HPS4: variants seen among roughly 807,000 people sequenced by gnomAD.
HPS4 encodes HPS4 biogenesis of lysosomal organelles complex 3 subunit 2.
Under a neutral mutation model 70.3 loss-of-function variants are expected in HPS4, and 44 were observed. The observed-to-expected ratio is 0.63, with a 90% CI of 0.49 to 0.80. HPS4 has a LOEUF of 0.80. Ranked by LOEUF, HPS4 falls within the 30% of genes least tolerant of loss-of-function variation. HPS4 has a pLI of 0.00. For missense variants in HPS4, 873 were observed against 884.4 expected (o/e 0.99, Z 0.16); for synonymous variants, 377 against 355.9 (o/e 1.06, Z -0.67).
At chr22:26,447,267 G>A (rs1032909419), downstream of HPS4, among the ~76,000 whole-genome samples, 1 of 152,194 alleles carries the variant, frequency 6.6e-6, no homozygotes, top group Non-Finnish European at 1.5e-5. Flanking sequence ...GTGGGGGGAG[G>A]TGAAGGGAAA....
intron 2 of HPS4, chr22:26,479,590 G>A (rs1459453400): frequency 1.5e-6 from 2 of 1,352,172 alleles, no homozygotes; most frequent in Non-Finnish European, 1.9e-6. Context: ...ATCTGCCGGA[G>A]AAGACACGAG....
At position 26,464,762 on chromosome 22, in the gene HPS4, T is replaced by G. The variant is rs765459737; in HGVS notation, c.868A>C (p.Thr290Pro). Residue 290 changes from threonine to proline, a missense_variant, in exon 11 of 14, where the codon ACA becomes CCA. By Grantham distance (38) the Thr-to-Pro change is conservative. Transcript: ENST00000398145. The part of the protein sequence containing the change: ...SAQHHPKGGS[T>P]SALKENATGH... ...GTGGCGTTTTCTTTCAGGGCAGATG[T>G]GCTCCCACCCTTTGGATGGTGCTGG... 1.9e-6 allele frequency: 3 copies of G among 1,586,388 alleles called. No homozygotes were observed. The Admixed American group carries it at 5.3e-5, about 28-fold the overall frequency.
Position 26,453,040 on chromosome 22 carries a change from C to T in HPS4, c.*193G>A, listed in dbSNP as rs1350826819. On this transcript the variant is annotated 3_prime_UTR_variant, in exon 14 of 14. Transcript: ENST00000398145. ...TCTTTATCAAGTGCTCTGGGTCTGC[C>T]GACCTGAAGAACTAACCCCTGCCCC... The T allele has an allele frequency of 1.8e-5, 11 of 621,686 alleles. No individual in the cohort carries two copies. Among genetic ancestry groups the T allele is most frequent in the South Asian group, 1.5e-4 (8 of 51,992 alleles). 38.5% of individuals were successfully genotyped at this position (621,686 alleles called of 1,614,324 possible).
exon 4 of HPS4, chr22:26,444,564 T>C (rs1232609094): frequency 6.6e-6 from 1 of 152,258 alleles, no homozygotes; most frequent in Non-Finnish European, 1.5e-5. Context: ...AGAGATGCCT[T>C]TTCTGAATAA....
intron 2 of HPS4, among the ~76,000 whole-genome samples, chr22:26,481,068 T>C (rs539195460): frequency 6.6e-6 from 1 of 152,210 alleles, no homozygotes; most frequent in Non-Finnish European, 1.5e-5. Context: ...AGAAACTCCA[T>C]GTGCACCCCA....
chr22:26,470,852 T>C (rs2146759507), intron 6 of HPS4, 39 bp from the exon 7 acceptor site: 1 of 1,613,176 alleles, frequency 6.2e-7, no homozygotes, highest in Non-Finnish European at 8.5e-7. Context: ...CCCATCAGCA[T>C]GCTCACAATC....
downstream of HPS4, among the ~76,000 whole-genome samples, chr22:26,448,548 T>C (rs1470940732): frequency 6.6e-6 from 1 of 152,200 alleles, no homozygotes; most frequent in Admixed American, 6.5e-5. Flanking sequence ...CTCAAGCCCT[T>C]TCCTCAGGGT....
At position 26,457,657 on chromosome 22, in the gene HPS4, G is replaced by T. The variant is rs7285461; in HGVS notation, c.1955+202C>A. 7.2e-3 allele frequency among the ~76,000 whole-genome samples: 1,099 copies of T among 152,350 alleles called. 15 individuals are homozygous for T. Among genetic ancestry groups the T allele is most frequent in the African/African-American group, 0.025 (1,051 of 41,584 alleles). On this transcript the variant is annotated intron_variant, in intron 13 of 13. Transcript: ENST00000398145. ...GCTGGACCCCAAGCGTCTAAAGTAG[G>T]AAGGGAACCAGAAAGTCCATGGCAC...
At chr22:26,458,253 G>A (rs1480772127) in intron 12 of HPS4, among the ~76,000 whole-genome samples, 192 bp downstream of exon 12, 4 of 152,252 alleles carry the variant, frequency 2.6e-5, no homozygotes, top group Admixed American at 1.3e-4. Context: ...ACAGACACAT[G>A]AGCAGAGAAG....
At position 26,453,492 on chromosome 22, in the gene HPS4, G is replaced by A; in HGVS notation, c.1956-88C>T. On this transcript the variant is annotated intron_variant, in intron 13 of 13. Coordinates refer to ENST00000398145, the MANE Select transcript of HPS4 (RefSeq NM_022081.6). ...AGACCTCAGTAAGGTTCTTGTCACA[G>A]AGGACCCAGGACACCCAATGTGGCA... 6.4e-6 allele frequency: 9 copies of A among 1,409,148 alleles called. No individual in the cohort carries two copies. In the South Asian group the frequency reaches 9.3e-5, roughly 15 times the overall value. The allele number at this position is 1,409,148 out of a possible 1,614,324, so 87.3% of individuals were successfully genotyped here. A position where few individuals can be genotyped will look rare whatever the true frequency, so the allele number is the denominator to read the frequency against.
intron 13 of HPS4, among the ~76,000 whole-genome samples, chr22:26,454,706 G>A (rs2085780617): frequency 6.6e-6 from 1 of 152,200 alleles, no homozygotes; most frequent in South Asian, 2.1e-4. Flanking sequence ...AAAAGCAATG[G>A]CAACAAAAGC....
intron 10 of HPS4, 146 bp from the exon 11 acceptor site, chr22:26,464,972 CA>C (rs957014526): frequency 1.8e-5 from 13 of 707,216 alleles, no homozygotes; most frequent in Non-Finnish European, 2.8e-5. Context: ...AGTTAAATCA[CA>C]AGAGTAAAAA....
chr22:26,447,618 T>C (rs903258475), downstream of HPS4, among the ~76,000 whole-genome samples: 5 of 152,174 alleles, frequency 3.3e-5, no homozygotes, highest in Admixed American at 1.3e-4. Context: ...CCGTCATGCC[T>C]GCTGCCAGCA....
chr22:26,465,110 G>C (rs1447257719), intron 10 of HPS4, among the ~76,000 whole-genome samples: 2 of 152,288 alleles, frequency 1.3e-5, no homozygotes, highest in East Asian at 3.9e-4. Context: ...CCCTATACTA[G>C]GTGCTGTACC....
Position 26,464,474 on chromosome 22 carries a change from G to A in HPS4, c.1156C>T (p.His386Tyr). ...ACAGGCACATGTAGGAAGGCAAAAT[G>A]ACCTGAGGCCATTTCCACTTCCTGA... ...EAQEVEMASG[H>Y]FAFLHVPVPD... is the part of the protein sequence containing the mutation. Residue 386 changes from histidine to tyrosine, a missense_variant, in exon 11 of 14, where the codon CAT becomes TAT. His to Tyr is a moderately conservative substitution (Grantham distance 83). Coordinates refer to ENST00000398145, the MANE Select transcript of HPS4 (RefSeq NM_022081.6). The A allele has an allele frequency of 1.2e-6, 2 of 1,614,204 alleles. No individual in the cohort carries two copies. Among genetic ancestry groups the A allele is most frequent in the Non-Finnish European group, 1.7e-6 (2 of 1,180,044 alleles).
At chr22:26,481,061 A>C (rs1444247375) in intron 2 of HPS4, among the ~76,000 whole-genome samples, 1 of 152,124 alleles carries the variant, frequency 6.6e-6, no homozygotes, top group Non-Finnish European at 1.5e-5. Context: ...CCAACTCAGA[A>C]ACTCCATGTG....
chr22:26,450,214 G>T (rs1418789117), downstream of HPS4, among the ~76,000 whole-genome samples: 1 of 152,226 alleles, frequency 6.6e-6, no homozygotes, highest in East Asian at 1.9e-4. Context: ...ATTGGGACCT[G>T]ATCTTTGGGG....
intron 4 of HPS4, among the ~76,000 whole-genome samples, chr22:26,473,435 G>T (rs980157861): frequency 6.6e-6 from 1 of 152,210 alleles, no homozygotes; most frequent in South Asian, 2.1e-4. Context: ...CCCAGTCCTA[G>T]ATCTCCAAAA....
At chr22:26,477,384 T>C (rs1337303208) in intron 3 of HPS4, among the ~76,000 whole-genome samples, 2 of 152,178 alleles carry the variant, frequency 1.3e-5, no homozygotes, top group Non-Finnish European at 2.9e-5. Flanking sequence ...TGCCAACCCC[T>C]ACCTGAGATG....
Sources: allele counts gnomAD v4.1 joint callset (sites outside exome capture counted in the v4.1 genomes callset), GRCh38; gene constraint gnomAD v4.1.1; transcripts MANE v1.5; gene names NCBI Gene and HGNC (gene_info 2026-07-23, HGNC 2026-07-21).